The following SPAG16 variants were observed in gnomAD, a reference collection of about 807,000 sequenced individuals.
SPAG16 encodes the protein sperm associated antigen 16, also known as sperm-associated antigen 16 protein.
A neutral mutation model predicts 80.4 loss-of-function variants in SPAG16; 86 were observed. The observed-to-expected ratio is 1.07, with a 90% CI of 0.90 to 1.28. The LOEUF is 1.28. Ranked by LOEUF, SPAG16 falls within the 50% of genes most tolerant of loss-of-function variation. The pLI, the probability that SPAG16 is intolerant of heterozygous loss-of-function variation, is 0.00. For missense variants in SPAG16, 870 were observed against 765.3 expected (o/e 1.14, Z -1.61); for synonymous variants, 294 against 265.9 (o/e 1.11, Z -1.03).
At chr2:214,314,986 A>C (rs1230313798) in intron 15 of SPAG16, among the ~76,000 whole-genome samples, 1 of 152,154 alleles carries the variant, frequency 6.6e-6, no homozygotes, top group Non-Finnish European at 1.5e-5. Context: ...GAATTGGAAA[A>C]ATATGAGAGA....
intron 10 of SPAG16, among the ~76,000 whole-genome samples, chr2:213,746,949 C>CA (rs1341921242): frequency 6.6e-6 from 1 of 151,730 alleles, no homozygotes; most frequent in Non-Finnish European, 1.5e-5. Context: ...TTCTACTTAT[C>CA]AAAAAAAAGT....
At chr2:214,295,324 G>A (rs1206563484) in intron 15 of SPAG16, among the ~76,000 whole-genome samples, 2 of 152,180 alleles carry the variant, frequency 1.3e-5, no homozygotes, top group Admixed American at 1.3e-4. Context: ...CATGAGAAAT[G>A]ATTTTAACAA....
chr2:213,964,604 G>T (rs771016840), intron 12 of SPAG16, among the ~76,000 whole-genome samples: 1 of 151,318 alleles, frequency 6.6e-6, no homozygotes, highest in Non-Finnish European at 1.5e-5. Flanking sequence ...TTAATCTTTT[G>T]GGATCCCCTG....
At chr2:213,307,590 TA>T (rs1448286164) in intron 3 of SPAG16, among the ~76,000 whole-genome samples, 1 of 149,750 alleles carries the variant, frequency 6.7e-6, no homozygotes, top group East Asian at 2.0e-4. Flanking sequence ...TACATTTTCT[TA>T]ATCCAGTCTA....
chr2:213,949,179 T>TTTTTTTTTTTTGTTTTTTTTTTTTG (rs2079612309), intron 12 of SPAG16, among the ~76,000 whole-genome samples: 1 of 36,244 alleles, frequency 2.8e-5, no homozygotes, highest in African/African-American at 8.2e-5. Flanking sequence ...GTTTTTTTTT[T>TTTTTTTTTTTTGTTTTTTTTTTTTG]TTTTTTTTTT....
At position 213,707,966 on chromosome 2, in the gene SPAG16, C is replaced by T. The variant is rs901407395; in HGVS notation, c.1071-154519C>T. Among the ~76,000 whole-genome samples, 4 of 151,994 alleles carry T rather than the reference C, an allele frequency of 2.6e-5. No homozygotes were observed. In the South Asian group the frequency reaches 8.3e-4, roughly 32 times the overall value. The stretch of plus-strand genomic sequence containing the variant: ...GAGTAATGAAAATGTTTTTATCTTT[C>T]TAGGTTACAAATCAATACTATGACA... On this transcript the variant is annotated intron_variant, in intron 10 of 15. Coordinates refer to ENST00000331683, the MANE Select transcript of SPAG16 (RefSeq NM_024532.5).
intron 13 of SPAG16, among the ~76,000 whole-genome samples, chr2:214,014,321 G>A (rs1018684987): frequency 6.6e-6 from 1 of 152,126 alleles, no homozygotes; most frequent in African/African-American, 2.4e-5. Context: ...TATTTATTGC[G>A]ATAGAAGCTC....
At chr2:213,339,051 G>A (rs1175049100) in intron 5 of SPAG16, among the ~76,000 whole-genome samples, 9 of 150,832 alleles carry the variant, frequency 6.0e-5, no homozygotes, top group Non-Finnish European at 1.5e-5. Context: ...AAAGAAGAAA[G>A]AAACTTGGAA....
chr2:214,068,784 C>T (rs375288481), intron 13 of SPAG16, among the ~76,000 whole-genome samples: 4 of 152,002 alleles, frequency 2.6e-5, no homozygotes, highest in East Asian at 3.8e-4. Flanking sequence ...GCCTTTCTTC[C>T]GAAGCAGAAT....
intron 15 of SPAG16, among the ~76,000 whole-genome samples, chr2:214,370,469 T>C (rs1699738694): frequency 6.6e-6 from 1 of 152,128 alleles, no homozygotes; most frequent in African/African-American, 2.4e-5. Flanking sequence ...TTATATAAAT[T>C]TATGGTGTAC....
intron 10 of SPAG16, among the ~76,000 whole-genome samples, chr2:213,756,447 C>T (rs568134182): frequency 6.6e-6 from 1 of 152,280 alleles, no homozygotes; most frequent in South Asian, 2.1e-4. Context: ...GAGCTGAGAT[C>T]ACACCACTGC....
At chr2:214,184,708 G>A (rs979415895) in intron 15 of SPAG16, among the ~76,000 whole-genome samples, 33 of 152,192 alleles carry the variant, frequency 2.2e-4, no homozygotes, top group African/African-American at 7.9e-4. Flanking sequence ...TTAAAGGGCA[G>A]CACATGGCTG....
intron 15 of SPAG16, among the ~76,000 whole-genome samples, chr2:214,320,473 G>A (rs561633757): frequency 6.6e-6 from 1 of 152,290 alleles, no homozygotes; most frequent in Admixed American, 6.5e-5. Context: ...TATCCTGGTT[G>A]TATTAGTCCA....
chr2:213,802,273 C>T (rs180882441), intron 10 of SPAG16, among the ~76,000 whole-genome samples: 135 of 152,192 alleles, frequency 8.9e-4, no homozygotes, highest in African/African-American at 2.9e-3. Flanking sequence ...GCAATCTGGC[C>T]AAAGAGGAGG....
At position 213,362,028 on chromosome 2, in the gene SPAG16, A is replaced by G. The variant is rs149592312; in HGVS notation, c.763-2048A>G. ...GCTTGAGTCATTTGAATCTCCCATCAGTACCAGACAAGGGAGTACCCAGGC... is the reference window on the plus strand; with the variant it reads ...GCTTGAGTCATTTGAATCTCCCATCGGTACCAGACAAGGGAGTACCCAGGC... On this transcript the variant is annotated intron_variant, in intron 7 of 15. Transcript: ENST00000331683. Among the ~76,000 whole-genome samples, 564 of 152,286 alleles carry G rather than the reference A, an allele frequency of 3.7e-3. 1 individual carries two copies. Among genetic ancestry groups the G allele is most frequent in the Non-Finnish European group, 6.2e-3 (425 of 68,022 alleles).
intron 10 of SPAG16, among the ~76,000 whole-genome samples, chr2:213,657,768 C>G (rs950071303): frequency 1.3e-5 from 2 of 152,124 alleles, no homozygotes; most frequent in African/African-American, 4.8e-5. Flanking sequence ...CTGTTACAAC[C>G]TATTCTCTAT....
intron 11 of SPAG16, among the ~76,000 whole-genome samples, chr2:213,886,782 A>G (rs2076572416): frequency 6.6e-6 from 1 of 152,112 alleles, no homozygotes; most frequent in South Asian, 2.1e-4. Context: ...ACCAAAAAAA[A>G]TGAATCAAAA....
intron 5 of SPAG16, among the ~76,000 whole-genome samples, chr2:213,336,833 C>T (rs1428498184): frequency 6.6e-6 from 1 of 152,110 alleles, no homozygotes; most frequent in Non-Finnish European, 1.5e-5. Context: ...CAGGGGAGCC[C>T]AGATGAGGGT....
intron 12 of SPAG16, among the ~76,000 whole-genome samples, chr2:213,963,293 C>T (rs192275778): frequency 6.6e-6 from 1 of 152,086 alleles, no homozygotes; most frequent in Admixed American, 6.6e-5. Context: ...TTACTTGATA[C>T]ATTATTCAGG....
Sources: allele counts gnomAD v4.1 joint callset (sites outside exome capture counted in the v4.1 genomes callset), GRCh38; gene constraint gnomAD v4.1.1; transcripts MANE v1.5; gene names NCBI Gene and HGNC (gene_info 2026-07-23, HGNC 2026-07-21).